TMEM38B: variants seen among roughly 807,000 people sequenced by gnomAD.
TMEM38B encodes the protein transmembrane protein 38B.
Under a neutral mutation model 28.7 loss-of-function variants are expected in TMEM38B, and 24 were observed. The observed-to-expected ratio is 0.84, with a 90% CI of 0.61 to 1.18. The LOEUF is 1.18. TMEM38B is among the 50% of genes most tolerant of loss of function. TMEM38B has a pLI of 0.00. For synonymous variants in TMEM38B, 131 were observed against 127.7 expected (o/e 1.03, Z -0.17); for missense variants, 380 against 350.9 (o/e 1.08, Z -0.66).
intron 5 of TMEM38B, among the ~76,000 whole-genome samples, chr9:105,762,555 A>G (rs984717060): frequency 8.3e-5 from 12 of 144,606 alleles, no homozygotes; most frequent in Middle Eastern, 3.2e-3. Context: ...ATGATTTCCA[A>G]TTTCATCCAT....
intron 4 of TMEM38B, among the ~76,000 whole-genome samples, chr9:105,747,037 C>T (rs1837427818): frequency 6.6e-6 from 1 of 152,114 alleles, no homozygotes; most frequent in Non-Finnish European, 1.5e-5. Flanking sequence ...CTAAAATTCT[C>T]TTTTTTGGTT....
chr9:105,748,052 TA>T lies in TMEM38B; in HGVS notation c.543-17del, dbSNP rs770283944. ...ATGTCATATTTATTACTTGCTGATT[TA>T]AAATGTGTTTTATTTTCAGCCCTGC... On this transcript the variant is annotated intron_variant, in intron 4 of 5. Transcript: ENST00000374692. 6.6e-6 allele frequency: 10 copies of T among 1,516,908 alleles called. No individual in the cohort carries two copies. The South Asian group carries it at 1.0e-4, about 15-fold the overall frequency. 94.0% of individuals were successfully genotyped at this position (1,516,908 alleles called of 1,614,324 possible).
At chr9:105,732,741 G>T (rs182282592) in intron 4 of TMEM38B, among the ~76,000 whole-genome samples, 1 of 152,252 alleles carries the variant, frequency 6.6e-6, no homozygotes, top group East Asian at 1.9e-4. Context: ...GTCAGGTAGC[G>T]TGATGCCTCC....
At chr9:105,732,641 G>A (rs192716823) in intron 4 of TMEM38B, among the ~76,000 whole-genome samples, 74 of 142,776 alleles carry the variant, frequency 5.2e-4, no homozygotes, top group African/African-American at 2.0e-3. Context: ...TTATTTCTGA[G>A]GCCTCTGTTC....
chr9:105,729,921 T>A (rs182728443), intron 4 of TMEM38B, among the ~76,000 whole-genome samples: 6 of 152,330 alleles, frequency 3.9e-5, no homozygotes, highest in Non-Finnish European at 5.9e-5. Flanking sequence ...TTTTGCACAT[T>A]GATTTTGTAT....
chr9:105,722,985 A>G (rs1675166871), intron 4 of TMEM38B, among the ~76,000 whole-genome samples: 2 of 152,082 alleles, frequency 1.3e-5, no homozygotes, highest in Admixed American at 6.5e-5. Context: ...CATTTTCATT[A>G]ATGACTATGA....
At chr9:105,704,437 G>GT (rs1156751649) in intron 1 of TMEM38B, among the ~76,000 whole-genome samples, 1 of 152,042 alleles carries the variant, frequency 6.6e-6, no homozygotes, top group Non-Finnish European at 1.5e-5. Context: ...AATAAATATA[G>GT]TTTGAGTTAG....
chr9:105,753,738 A>G (rs1837737626), intron 5 of TMEM38B, among the ~76,000 whole-genome samples: 2 of 152,238 alleles, frequency 1.3e-5, no homozygotes, highest in African/African-American at 2.4e-5. Flanking sequence ...CAGTGACACT[A>G]TGAAGCAACC....
At chr9:105,765,005 GT>G (rs1205682021) in intron 5 of TMEM38B, among the ~76,000 whole-genome samples, 1 of 152,144 alleles carries the variant, frequency 6.6e-6, no homozygotes, top group Admixed American at 6.5e-5. Context: ...TTAATAAATG[GT>G]TCTGGGACAA....
rs553780065 is a variant in TMEM38B at position 105,716,702 on chromosome 9, C to T, written c.270-4835C>T. On this transcript the variant is annotated intron_variant, in intron 2 of 5. Transcript: ENST00000374692. Reference sequence around the variant, plus strand: ...TGAGATAGCAAGACCAATCCCTCCTCCTCGTCAGCCTACTCTTTGTGAAGA... The same window carrying T: ...TGAGATAGCAAGACCAATCCCTCCTTCTCGTCAGCCTACTCTTTGTGAAGA... Among the ~76,000 whole-genome samples the T allele has an allele frequency of 1.2e-3, 150 of 122,442 alleles. 3 individuals carry two copies. In the South Asian group the frequency reaches 0.02, roughly 17 times the overall value. The allele number at this position is 122,442 out of a possible 152,430, so 80.3% of individuals were successfully genotyped here. A position where few individuals can be genotyped will look rare whatever the true frequency, so the allele number is the denominator to read the frequency against.
chr9:105,717,933 C>T (rs962927732), intron 2 of TMEM38B, among the ~76,000 whole-genome samples: 3 of 152,054 alleles, frequency 2.0e-5, no homozygotes, highest in African/African-American at 7.2e-5. Flanking sequence ...AACCCTGAGA[C>T]GTAGGTATTA....
intron 5 of TMEM38B, among the ~76,000 whole-genome samples, chr9:105,761,441 C>T (rs1372032825): frequency 6.6e-6 from 1 of 152,096 alleles, no homozygotes; most frequent in East Asian, 1.9e-4. Flanking sequence ...ATAAGGCAAT[C>T]ATATATTCAT....
rs1473390301 is a variant in TMEM38B, at chr9:105,774,265, C to T, written c.*185C>T. On this transcript the variant is annotated 3_prime_UTR_variant, in exon 6 of 6. Coordinates refer to ENST00000374692, the MANE Select transcript of TMEM38B (RefSeq NM_018112.3). ...TCTGGATTGTATTTGTAGAGTGTTACGAGTGTATCATGTGATTATGCTTTA... is the reference window on the plus strand; with the variant it reads ...TCTGGATTGTATTTGTAGAGTGTTATGAGTGTATCATGTGATTATGCTTTA... 3.6e-6 allele frequency: 2 copies of T among 561,784 alleles called. No homozygotes were observed. Among genetic ancestry groups the T allele is most frequent in the Admixed American group, 3.3e-5 (1 of 30,472 alleles). The allele number at this position is 561,784 out of a possible 1,614,324, so 34.8% of individuals were successfully genotyped here.
chr9:105,735,877 T>A (rs963026886), intron 4 of TMEM38B, among the ~76,000 whole-genome samples: 3 of 152,062 alleles, frequency 2.0e-5, no homozygotes, highest in African/African-American at 7.2e-5. Flanking sequence ...TTAAAAAAAA[T>A]TTTTTTAGAG....
At chr9:105,743,170 AATGGATTCTTTCTT>A (rs1837266121) in intron 4 of TMEM38B, among the ~76,000 whole-genome samples, 1 of 152,182 alleles carries the variant, frequency 6.6e-6, no homozygotes, top group Admixed American at 6.5e-5. Flanking sequence ...AAAGACAAGG[AATGGATTCTTTCTT>A]AGAGTTTCTG....
chr9:105,750,285 GT>G (rs905598906), intron 5 of TMEM38B, among the ~76,000 whole-genome samples: 1 of 149,378 alleles, frequency 6.7e-6, no homozygotes, highest in Non-Finnish European at 1.5e-5. Flanking sequence ...CATTCTGTAA[GT>G]TTTTTTTTTC....
At chr9:105,703,354 A>G (rs141445978) in intron 1 of TMEM38B, among the ~76,000 whole-genome samples, 235 of 152,256 alleles carry the variant, frequency 1.5e-3, no homozygotes, top group African/African-American at 5.3e-3. Flanking sequence ...AATTTCATCC[A>G]TGTCTCTACA....
intron 5 of TMEM38B, among the ~76,000 whole-genome samples, chr9:105,755,296 C>T (rs966752257): frequency 6.6e-5 from 10 of 151,930 alleles, no homozygotes; most frequent in African/African-American, 1.2e-4. Context: ...TAGGGCCTGT[C>T]GGGGAGGTGG....
chr9:105,731,234 A>G lies in TMEM38B; in HGVS notation c.542+8613A>G, dbSNP rs1408718804. On this transcript the variant is annotated intron_variant, in intron 4 of 5. Coordinates refer to ENST00000374692, the MANE Select transcript of TMEM38B (RefSeq NM_018112.3). Reference sequence around the variant, plus strand: ...TAAATTTCCCTCTACACACCACTTTAAATGTGCCCCAGAGATTCTGGTACG... The same window carrying G: ...TAAATTTCCCTCTACACACCACTTTGAATGTGCCCCAGAGATTCTGGTACG... Among the ~76,000 whole-genome samples, 10 of 152,026 alleles carry G rather than the reference A, an allele frequency of 6.6e-5. No individual in the cohort carries two copies. The South Asian group carries it at 1.9e-3, about 28-fold the overall frequency.
Sources: gnomAD v4.1 joint callset for allele counts (sites outside exome capture counted in the v4.1 genomes callset) on GRCh38, gnomAD v4.1.1 for gene constraint, MANE v1.5 for transcripts, NCBI Gene and HGNC (gene_info 2026-07-23, HGNC 2026-07-21) for gene names.